Variants in RASL10A observed in about 807,000 individuals in gnomAD.
RASL10A encodes ras-like protein family member 10A.
Under a neutral mutation model 17.3 loss-of-function variants are expected in RASL10A, and 13 were observed. That is an observed-to-expected ratio of 0.75 (90% confidence interval 0.49 to 1.20). The LOEUF is 1.20. Ranked by LOEUF, RASL10A falls within the 50% of genes most tolerant of loss-of-function variation. The probability of loss-of-function intolerance (pLI) is 0.00; values close to 1 mark genes in which losing one functional copy is unlikely to be tolerated. For synonymous variants in RASL10A, 159 were observed against 142.2 expected, an observed-to-expected ratio of 1.12 and a Z score of -0.84; for missense variants, 307 against 310.3, an observed-to-expected ratio of 0.99 and a Z score of 0.08.
chr22:29,314,420 A>T (rs571509369), intron 1 of RASL10A: 14 of 176,980 alleles, frequency 7.9e-5, no homozygotes, highest in East Asian at 6.7e-4. Context: ...TCCACCTGGT[A>T]TGTTTTTGCC....
At chr22:29,316,360 G>C (rs561865300), upstream of RASL10A, among the ~76,000 whole-genome samples, 1 of 152,324 alleles carries the variant, frequency 6.6e-6, no homozygotes, top group Admixed American at 6.5e-5. Flanking sequence ...AGTGGGGACA[G>C]AGGGTGCCGA....
In RASL10A at chr22:29,315,001, G is replaced by T. The variant is rs962119893; in HGVS notation, c.219+27C>A. ...ACGCACACCCCTCACACTGTCACAC[G>T]CCCCTGCCCGCTCCTCGAGCCGCTA... On this transcript the variant is annotated intron_variant, in intron 1 of 2. Transcript: ENST00000216101. This position sits in a 1 kb window ranked among gnomAD's most constrained non-coding sequence, Gnocchi z 5.5. The T allele has an allele frequency of 1.9e-5, 27 of 1,452,212 alleles. No homozygotes were observed. The highest frequency in any genetic ancestry group is 2.3e-5 in the Non-Finnish European group (25 of 1,104,598). The allele number at this position is 1,452,212 out of a possible 1,614,324, so 90.0% of individuals were successfully genotyped here. A position where few individuals can be genotyped will look rare whatever the true frequency, so the allele number is the denominator to read the frequency against.
Position 29,312,961 on chromosome 22 carries a change from T to G in RASL10A, c.*340A>C. 8 of 321,472 alleles carry G rather than the reference T, an allele frequency of 2.5e-5. No homozygotes were observed. Among genetic ancestry groups the G allele is most frequent in the East Asian group, 9.9e-5 (2 of 20,102 alleles). The allele number at this position is 321,472 out of a possible 1,614,324, so 19.9% of individuals were successfully genotyped here. A position where few individuals can be genotyped will look rare whatever the true frequency, so the allele number is the denominator to read the frequency against. ...AATTATTTTCCCTTTTATTATCCCG[T>G]GGTAGGTGTGGCATAAAGAATATGT... On this transcript the variant is annotated 3_prime_UTR_variant, in exon 3 of 3. Transcript: ENST00000216101.
At chr22:29,316,103 C>T (rs561467438), upstream of RASL10A, among the ~76,000 whole-genome samples, 1 of 152,346 alleles carries the variant, frequency 6.6e-6, no homozygotes, top group African/African-American at 2.4e-5. Flanking sequence ...CCTCAAGAGG[C>T]TCCAACCTTT....
At chr22:29,314,963 G>A (rs2061444054) in intron 1 of RASL10A, 65 bp downstream of exon 1, 4 of 1,310,364 alleles carry the variant, frequency 3.1e-6, no homozygotes, top group Non-Finnish European at 4.0e-6. Flanking sequence ...GGACACGCAC[G>A]TGTGCACCGA....
rs377322068 is a variant in RASL10A, at chr22:29,314,002, C to T, written c.220-15G>A. 9.3e-6 allele frequency: 15 copies of T among 1,611,706 alleles called. No homozygotes were observed. In the African/African-American group the frequency reaches 1.9e-4, roughly 20 times the overall value. On this transcript the variant is annotated splice_polypyrimidine_tract_variant and intron_variant, in intron 1 of 2. Coordinates refer to ENST00000216101, the MANE Select transcript of RASL10A (RefSeq NM_006477.5). ...TCTGGCCACTCCTGGGGACAGGAGGCCAGGGTTTGCGGAAGCCTCCTTTCC... is the reference window on the plus strand; with the variant it reads ...TCTGGCCACTCCTGGGGACAGGAGGTCAGGGTTTGCGGAAGCCTCCTTTCC...
chr22:29,316,552 C>A (rs1249435794), upstream of RASL10A, among the ~76,000 whole-genome samples: 1 of 152,208 alleles, frequency 6.6e-6, no homozygotes, highest in East Asian at 1.9e-4. Context: ...AGCCCAAGTT[C>A]CCCCTCCCTC....
At position 29,313,256 on chromosome 22, in the gene RASL10A, T is replaced by C. The variant is rs765328018; in HGVS notation, c.*45A>G. ...CCCGTCCAATCCAGGTCCCTGATTG[T>C]CCCAGTCACAAGGTGGGGCCCATGG... On this transcript the variant is annotated 3_prime_UTR_variant, in exon 3 of 3. Coordinates refer to ENST00000216101, the MANE Select transcript of RASL10A (RefSeq NM_006477.5). 12 of 1,448,966 alleles carry C rather than the reference T, an allele frequency of 8.3e-6. No homozygotes were observed. The highest frequency in any genetic ancestry group is 1.5e-5 in the African/African-American group (1 of 68,308). 89.8% of individuals were successfully genotyped at this position (1,448,966 alleles called of 1,614,324 possible). A position where few individuals can be genotyped will look rare whatever the true frequency, so the allele number is the denominator to read the frequency against.
rs745710759 is a variant in RASL10A at position 29,313,982 on chromosome 22, C to G, written c.225G>C (p.Trp75Cys). The part of the protein sequence containing the change: ...PGSSPGGPEE[W>C]PDAKDWSLQD... ...GCAAGCTCCAGTCCTTAGCGTCTGG[C>G]CACTCCTGGGGACAGGAGGCCAGGG... Residue 75 changes from tryptophan to cysteine, a missense_variant, in exon 2 of 3, where the codon TGG (tryptophan) becomes TGC (cysteine). Transcript: ENST00000216101. The G allele has an allele frequency of 1.2e-6, 2 of 1,613,392 alleles. No homozygotes were observed. Among genetic ancestry groups the G allele is most frequent in the Non-Finnish European group, 8.5e-7 (1 of 1,180,030 alleles).
intron 1 of RASL10A, 139 bp downstream of exon 1, chr22:29,314,889 T>C (rs1022226592): frequency 8.4e-6 from 6 of 710,592 alleles, no homozygotes; most frequent in Non-Finnish European, 1.3e-5. Context: ...GAAACGCAAG[T>C]ATCCCAGGAC....
At position 29,315,358 on chromosome 22, in the gene RASL10A, T is replaced by C. The variant is rs561465325; in HGVS notation, c.-112A>G. On this transcript the variant is annotated 5_prime_UTR_variant, in exon 1 of 3. Transcript: ENST00000216101. This position sits in a 1 kb window ranked among gnomAD's most constrained non-coding sequence, Gnocchi z 5.5. ...CCCTGCCCGGTGCGCCACGGCCCCG[T>C]CGCGCTTCTCGTCGCCCCTCGGAGC... 129 of 638,022 alleles carry C rather than the reference T, an allele frequency of 2.0e-4. 3 individuals carry two copies. The African/African-American group carries it at 2.4e-3, about 12-fold the overall frequency. 39.5% of individuals were successfully genotyped at this position (638,022 alleles called of 1,614,324 possible).
At chr22:29,319,492 GTTTCT>G (rs1246786630), upstream of RASL10A, 1 of 152,316 alleles carries the variant, frequency 6.6e-6, no homozygotes, top group Non-Finnish European at 1.5e-5. Context: ...GCCTCTGAAA[GTTTCT>G]TTTCTTGGGT....
rs1274496463 is a variant in RASL10A, at chr22:29,315,608, G to C, written c.-362C>G. 6.4e-6 allele frequency: 1 copy of C among 156,498 alleles called. No homozygotes were observed. Among genetic ancestry groups the C allele is most frequent in the Non-Finnish European group, 1.4e-5 (1 of 71,118 alleles). The allele number at this position is 156,498 out of a possible 1,614,324, so 9.7% of individuals were successfully genotyped here. On this transcript the variant is annotated 5_prime_UTR_variant, in exon 1 of 3. Transcript: ENST00000216101. The surrounding 1 kb of genome is among the most constrained non-coding windows in gnomAD (Gnocchi z 5.5). ...CCGAAGTCCGCCCCTCTCGCGGCGC[G>C]GGTCCCGCAGCGGTGCGGGGCGCGG...
At chr22:29,314,564 C>T (rs1357936107) in intron 1 of RASL10A, among the ~76,000 whole-genome samples, 5 of 152,152 alleles carry the variant, frequency 3.3e-5, no homozygotes, top group Non-Finnish European at 7.3e-5. Flanking sequence ...CTTTACTTTG[C>T]ACAAATTACT....
At position 29,315,520 on chromosome 22, in the gene RASL10A, C is replaced by G. The variant is rs1318900732; in HGVS notation, c.-274G>C. Reference sequence around the variant, plus strand: ...AGCTCGAGAGAGAGCAGAGCCGGAGCGGCGCTCAGACACCGCCTCCGCCCC... The same window carrying G: ...AGCTCGAGAGAGAGCAGAGCCGGAGGGGCGCTCAGACACCGCCTCCGCCCC... On this transcript the variant is annotated 5_prime_UTR_variant, in exon 1 of 3. Coordinates refer to ENST00000216101, the MANE Select transcript of RASL10A (RefSeq NM_006477.5). The surrounding 1 kb of genome is among the most constrained non-coding windows in gnomAD (Gnocchi z 5.5). 4.7e-6 allele frequency: 1 copy of G among 213,688 alleles called. No homozygotes were observed. The highest frequency in any genetic ancestry group is 2.3e-5 in the African/African-American group (1 of 43,102). The allele number at this position is 213,688 out of a possible 1,614,324, so 13.2% of individuals were successfully genotyped here. A position where few individuals can be genotyped will look rare whatever the true frequency, so the allele number is the denominator to read the frequency against.
At chr22:29,317,653 C>T (rs1414827325), upstream of RASL10A, among the ~76,000 whole-genome samples, 1 of 151,910 alleles carries the variant, frequency 6.6e-6, no homozygotes, top group Admixed American at 6.6e-5. Context: ...ACAACAAAAC[C>T]CAGAAGTCTG....
chr22:29,319,413 C>G (rs890946620), upstream of RASL10A: 3 of 151,694 alleles, frequency 2.0e-5, no homozygotes, highest in African/African-American at 7.3e-5. Flanking sequence ...AGCCAGGCAG[C>G]CTCTTGAGGG....
At chr22:29,316,251 G>GC, upstream of RASL10A, among the ~76,000 whole-genome samples, 1 of 152,310 alleles carries the variant, frequency 6.6e-6, no homozygotes, top group South Asian at 2.1e-4. Context: ...CAGTGGGGGG[G>GC]CCCTTGAAGT....
At chr22:29,319,223 G>A (rs2061465779), upstream of RASL10A, 1 of 152,342 alleles carries the variant, frequency 6.6e-6, no homozygotes, top group Non-Finnish European at 1.5e-5. Flanking sequence ...TGTTAGTTCT[G>A]GACTCCTTTG....
Sources: gnomAD v4.1 joint callset for allele counts (sites outside exome capture counted in the v4.1 genomes callset) on GRCh38, gnomAD v4.1.1 for gene constraint, Gnocchi (gnomAD v3.1) non-coding constraint, MANE v1.5 for transcripts, NCBI Gene and HGNC (gene_info 2026-07-23, HGNC 2026-07-21) for gene names.